PPARGC1A: variants seen among roughly 807,000 people sequenced by gnomAD.
PPARGC1A encodes PPARG coactivator 1 alpha.
PPARGC1A carries 25 observed loss-of-function variants against 88.7 expected under a neutral mutation model. The observed-to-expected ratio is 0.28, with a 90% confidence interval of 0.21 to 0.39. The LOEUF (loss-of-function observed/expected upper bound fraction) is 0.39. Ranked by LOEUF, PPARGC1A falls within the 10% of genes least tolerant of loss-of-function variation. The probability of loss-of-function intolerance (pLI) is 1.00; values close to 1 mark genes in which losing one functional copy is unlikely to be tolerated. For missense variants in PPARGC1A, 880 were observed against 968.7 expected, an observed-to-expected ratio of 0.91 and a Z score of 1.22; for synonymous variants, 363 against 355.6, an observed-to-expected ratio of 1.02 and a Z score of -0.24.
the PPARGC1A span, among the ~76,000 whole-genome samples, chr4:24,190,483 C>T: frequency 7.2e-5 from 11 of 152,022 alleles, no homozygotes; most frequent in Non-Finnish European, 1.6e-4. Flanking sequence ...CCACTGCACT[C>T]CAGCCTGGGC....
chr4:24,305,235 G>A, the PPARGC1A span, among the ~76,000 whole-genome samples: 1 of 149,310 alleles, frequency 6.7e-6, no homozygotes, highest in Non-Finnish European at 1.5e-5. Context: ...CTTAGTGATA[G>A]CATGATCATA....
At chr4:24,125,248 C>A in the PPARGC1A span, among the ~76,000 whole-genome samples, 1 of 152,128 alleles carries the variant, frequency 6.6e-6, no homozygotes, top group African/African-American at 2.4e-5. Context: ...TCATTTCATT[C>A]TGGACTCTTC....
At chr4:24,264,692 G>A in the PPARGC1A span, among the ~76,000 whole-genome samples, 1 of 152,258 alleles carries the variant, frequency 6.6e-6, no homozygotes, top group African/African-American at 2.4e-5. Flanking sequence ...CTAAGAATTA[G>A]AGAGATGAGT....
chr4:24,339,784 G>T, the PPARGC1A span, among the ~76,000 whole-genome samples: 1 of 152,106 alleles, frequency 6.6e-6, no homozygotes, highest in Non-Finnish European at 1.5e-5. Context: ...TGTCGTCCAG[G>T]CTGGAGTGCA....
At chr4:23,874,133 C>T (rs1714183775) in intron 2 of PPARGC1A, among the ~76,000 whole-genome samples, 1 of 152,194 alleles carries the variant, frequency 6.6e-6, no homozygotes, top group African/African-American at 2.4e-5. Context: ...ATTTATGTGA[C>T]AGGTTGACAA....
rs570701677 is a variant in PPARGC1A at position 23,828,476 on chromosome 4, C to T, written c.681G>A (p.Glu227=). The T allele has an allele frequency of 5.6e-6, 9 of 1,614,026 alleles. No individual in the cohort carries two copies. In the South Asian group the frequency reaches 8.8e-5, roughly 16 times the overall value. Residue 227 remains glutamate (E), a synonymous_variant, in exon 5 of 13, where the codon GAG becomes GAA. Coordinates refer to ENST00000264867, the MANE Select transcript of PPARGC1A (RefSeq NM_013261.5). ...NDDPPHTKPT[E]NRNSSRDKCT... Reference sequence around the variant, plus strand: ...ATTTGTCTCTGCTGCTGTTTCTGTTCTCTGTGGGTTTGGTGTGAGGAGGGT... The same window carrying T: ...ATTTGTCTCTGCTGCTGTTTCTGTTTTCTGTGGGTTTGGTGTGAGGAGGGT...
chr4:24,088,650 A>G, the PPARGC1A span, among the ~76,000 whole-genome samples: 2 of 152,214 alleles, frequency 1.3e-5, no homozygotes, highest in Non-Finnish European at 2.9e-5. Context: ...AGTGTCTGGC[A>G]TAGAGTAAGG....
chr4:23,878,588 T>C (rs937076500), intron 2 of PPARGC1A, among the ~76,000 whole-genome samples: 4 of 152,138 alleles, frequency 2.6e-5, no homozygotes, highest in Non-Finnish European at 5.9e-5. Flanking sequence ...ATAAACCAGA[T>C]GTTCCCAAGA....
the PPARGC1A span, among the ~76,000 whole-genome samples, chr4:23,934,683 T>C: frequency 6.6e-6 from 1 of 152,092 alleles, no homozygotes; most frequent in Non-Finnish European, 1.5e-5. Context: ...ATTGGTTACA[T>C]TTGCAAAAAA....
At chr4:24,052,447 G>A in the PPARGC1A span, among the ~76,000 whole-genome samples, 1 of 151,980 alleles carries the variant, frequency 6.6e-6, no homozygotes, top group Non-Finnish European at 1.5e-5. Context: ...GACCAGCCTG[G>A]CCAACATGGT....
the PPARGC1A span, among the ~76,000 whole-genome samples, chr4:24,154,367 A>ATGTCTG: frequency 4.0e-3 from 608 of 152,306 alleles, 7 homozygotes; most frequent in African/African-American, 0.014. Context: ...TGCTCAAAAC[A>ATGTCTG]TGTCTGTCAA....
At chr4:23,826,512 G>A (rs542915149) in intron 5 of PPARGC1A, among the ~76,000 whole-genome samples, 9 of 152,200 alleles carry the variant, frequency 5.9e-5, no homozygotes, top group Admixed American at 2.6e-4. Flanking sequence ...GAGATCATAC[G>A]TGATGTTCAG....
In PPARGC1A at chr4:23,802,290, T is replaced by C. The variant is rs772899615; in HGVS notation, c.2075A>G (p.Glu692Gly). 2 of 1,613,706 alleles carry C rather than the reference T, an allele frequency of 1.2e-6. No homozygotes were observed. Among genetic ancestry groups the C allele is most frequent in the Non-Finnish European group, 1.7e-6 (2 of 1,179,926 alleles). The change falls in exon 11 of 13, where the codon GAA becomes GGA. Residue 692 changes from glutamate to glycine, a missense_variant. Transcript: ENST00000264867. ...GKIRPDTTRT[E>G]LRDRFEVFGE... is the part of the protein sequence containing the mutation. ...AAAAACTTCAAAACGGTCCCTCAGT[T>C]CTGTCCGTGTTGTGTCAGGTCTGAT... is the stretch of plus-strand genomic sequence containing the variant.
At chr4:24,270,187 C>T in the PPARGC1A span, among the ~76,000 whole-genome samples, 3 of 152,106 alleles carry the variant, frequency 2.0e-5, no homozygotes, top group Non-Finnish European at 2.9e-5. Flanking sequence ...GATCCCTCTG[C>T]GTTGTCCTTC....
the PPARGC1A span, among the ~76,000 whole-genome samples, chr4:24,317,227 T>C: frequency 1.3e-5 from 2 of 152,120 alleles, no homozygotes; most frequent in African/African-American, 4.8e-5. Context: ...AAACACTATA[T>C]ACTGCAACCC....
chr4:24,140,931 A>G, the PPARGC1A span, among the ~76,000 whole-genome samples: 4 of 152,308 alleles, frequency 2.6e-5, no homozygotes, highest in Admixed American at 6.5e-5. Context: ...GAGGATGCCA[A>G]GAGTGCTCTT....
the PPARGC1A span, among the ~76,000 whole-genome samples, chr4:24,330,250 A>G: frequency 6.6e-6 from 1 of 152,196 alleles, no homozygotes; most frequent in African/African-American, 2.4e-5. Context: ...TGACCAATAG[A>G]GTGCACAGGA....
the PPARGC1A span, among the ~76,000 whole-genome samples, chr4:24,308,051 A>T: frequency 6.6e-6 from 1 of 152,088 alleles, no homozygotes; most frequent in East Asian, 1.9e-4. Context: ...CAGAACTTTG[A>T]GAGGCCAAGG....
At chr4:24,443,548 T>A in the PPARGC1A span, among the ~76,000 whole-genome samples, 1 of 148,034 alleles carries the variant, frequency 6.8e-6, no homozygotes. Flanking sequence ...TTGGTTTTTG[T>A]TTGTTTTTGT....
Sources: gnomAD v4.1 joint callset for allele counts (sites outside exome capture counted in the v4.1 genomes callset) on GRCh38, gnomAD v4.1.1 for gene constraint, MANE v1.5 for transcripts, NCBI Gene and HGNC (gene_info 2026-07-23, HGNC 2026-07-21) for gene names.